The following RBCK1 variants were observed in gnomAD, a reference collection of about 807,000 sequenced individuals.
RBCK1 encodes RANBP2-type and C3HC4-type zinc finger containing 1, also known as ranBP-type and C3HC4-type zinc finger-containing protein 1.
In RBCK1, 44 loss-of-function variants were observed where a neutral mutation model predicts 71.1. The observed-to-expected ratio is 0.62, with a 90% CI of 0.49 to 0.80. The LOEUF is 0.80. Ranked by LOEUF, RBCK1 falls within the 30% of genes least tolerant of loss-of-function variation. RBCK1 has a pLI of 0.00. For synonymous variants in RBCK1, 306 were observed against 279.7 expected (o/e 1.09, Z -0.94); for missense variants, 569 against 685.0 (o/e 0.83, Z 1.89).
chr20:418,399 C>T (rs764508468), intron 4 of RBCK1, among the ~76,000 whole-genome samples: 48 of 151,732 alleles, frequency 3.2e-4, no homozygotes, highest in East Asian at 1.4e-3. Flanking sequence ...GACGGAGTCT[C>T]GCTCTGTCGC....
chr20:428,725 G>C lies in RBCK1; in HGVS notation c.1308+136G>C. ...TCCCTTCTGGCTGTCACTCCCATCCGGAGGTGGGACTTAGGCCGAATGGTC... is the reference window on the plus strand; with the variant it reads ...TCCCTTCTGGCTGTCACTCCCATCCCGAGGTGGGACTTAGGCCGAATGGTC... On this transcript the variant is annotated intron_variant, in intron 10 of 11. Transcript: ENST00000356286. The surrounding 1 kb of genome is among the most constrained non-coding windows in gnomAD (Gnocchi z 5.7). The C allele has an allele frequency of 7.4e-7, 1 of 1,360,150 alleles. No individual in the cohort carries two copies. The highest frequency in any genetic ancestry group is 2.6e-5 in the East Asian group (1 of 39,204). 84.3% of individuals were successfully genotyped at this position (1,360,150 alleles called of 1,614,324 possible).
chr20:426,743 TCAC>T (rs1470515723), intron 8 of RBCK1, among the ~76,000 whole-genome samples: 1 of 150,188 alleles, frequency 6.7e-6, no homozygotes, highest in East Asian at 2.0e-4. Flanking sequence ...TGTGCAACCA[TCAC>T]CACCATCCAC....
Position 417,445 on chromosome 20 carries a change from A to C in RBCK1, c.168-81A>C. 3 of 1,234,680 alleles carry C rather than the reference A, an allele frequency of 2.4e-6. No homozygotes were observed. The highest frequency in any genetic ancestry group is 3.6e-6 in the Non-Finnish European group (3 of 838,370). 76.5% of individuals were successfully genotyped at this position (1,234,680 alleles called of 1,614,324 possible). A position where few individuals can be genotyped will look rare whatever the true frequency, so the allele number is the denominator to read the frequency against. On this transcript the variant is annotated intron_variant, in intron 2 of 11. Coordinates refer to ENST00000356286, the MANE Select transcript of RBCK1 (RefSeq NM_031229.4). This position sits in a 1 kb window ranked among gnomAD's most constrained non-coding sequence, Gnocchi z 4.7. ...TGTGCATGGCCATGTGCCTGTGTGC[A>C]AATATGTACATGTCTGTAGCCGGTG...
chr20:414,134 G>A (rs1305049901), intron 2 of RBCK1, among the ~76,000 whole-genome samples: 1 of 152,044 alleles, frequency 6.6e-6, no homozygotes, highest in African/African-American at 2.4e-5. Context: ...CAATGAGCAG[G>A]TATAAACTCA....
rs1331644635 is a variant in RBCK1, at chr20:410,895, G to A, written c.167+870G>A. 1.2e-4 allele frequency: 28 copies of A among 238,644 alleles called. No individual in the cohort carries two copies. The South Asian group carries it at 1.7e-3, about 15-fold the overall frequency. The allele number at this position is 238,644 out of a possible 1,614,324, so 14.8% of individuals were successfully genotyped here. On this transcript the variant is annotated intron_variant, in intron 2 of 11. Coordinates refer to ENST00000356286, the MANE Select transcript of RBCK1 (RefSeq NM_031229.4). ...ATTTATTTATTTATCCTTACAGTTCGACCATTTAAAGTATACAGTTCAATG... is the reference window on the plus strand; with the variant it reads ...ATTTATTTATTTATCCTTACAGTTCAACCATTTAAAGTATACAGTTCAATG...
At chr20:411,929 A>G (rs2015732153) in intron 2 of RBCK1, among the ~76,000 whole-genome samples, 1 of 152,252 alleles carries the variant, frequency 6.6e-6, no homozygotes. Flanking sequence ...GCTATTATAA[A>G]CAATGCTGCC....
chr20:422,154 CAG>C lies in RBCK1; in HGVS notation c.946_947del (p.Ser316ProfsTer11). ...RECLQGTIRNSQEAEVSCPFI... is the reference protein window; with the variant it reads ...RECLQGTIRNXQEAEVSCPFI... Reference sequence around the variant, plus strand: ...AGTGCCTGCAGGGCACCATCCGCAACAGCCAGGAGGCGGAGGTCTCCTGCCCC... The same window carrying C: ...AGTGCCTGCAGGGCACCATCCGCAACCCAGGAGGCGGAGGTCTCCTGCCCC... On this transcript the variant is annotated frameshift_variant, in exon 8 of 12. Coordinates refer to ENST00000356286, the MANE Select transcript of RBCK1 (RefSeq NM_031229.4). LOFTEE classifies it high-confidence loss of function. The surrounding 1 kb of genome is among the most constrained non-coding windows in gnomAD (Gnocchi z 5.0). 6.2e-7 allele frequency: 1 copy of C among 1,612,764 alleles called. No homozygotes were observed. Among genetic ancestry groups the C allele is most frequent in the Non-Finnish European group, 8.5e-7 (1 of 1,179,854 alleles).
Position 411,041 on chromosome 20 carries a change from TAACTCCCCA to T in RBCK1, c.167+1018_167+1026del, listed in dbSNP as rs913648047. Among the ~76,000 whole-genome samples the T allele has an allele frequency of 4.7e-4, 71 of 152,340 alleles. 1 individual carries two copies. Among genetic ancestry groups the T allele is most frequent in the Non-Finnish European group, 3.7e-4 (25 of 68,030 alleles). On this transcript the variant is annotated intron_variant, in intron 2 of 11. Transcript: ENST00000356286. ...AGTCCTCATCTCTCTACCTTTTCCC[TAACTCCCCA>T]ACCTTAGGCAACCACTAATCTACTT...
intron 11 of RBCK1, 132 bp downstream of exon 11, chr20:429,226 A>ATTTT: frequency 1.0e-5 from 10 of 1,002,876 alleles, no homozygotes; most frequent in South Asian, 4.8e-5. Flanking sequence ...CGAGGTAAGA[A>ATTTT]TTTTTTTTTT....
In RBCK1 at chr20:430,336, C is replaced by T; in HGVS notation, c.1453-14C>T. 2.5e-6 allele frequency: 4 copies of T among 1,594,116 alleles called. No individual in the cohort carries two copies. In the Admixed American group the frequency reaches 6.7e-5, roughly 27 times the overall value. Reference sequence around the variant, plus strand: ...ACTGCGCTGACATTCTCTTCTCTTCCTCCCATCCTCTAGGGCCCAGGAGAC... The same window carrying T: ...ACTGCGCTGACATTCTCTTCTCTTCTTCCCATCCTCTAGGGCCCAGGAGAC... On this transcript the variant is annotated splice_polypyrimidine_tract_variant and intron_variant, in intron 11 of 11. Transcript: ENST00000356286. This position sits in a 1 kb window ranked among gnomAD's most constrained non-coding sequence, Gnocchi z 5.6.
At position 430,531 on chromosome 20, in the gene RBCK1, T is replaced by C. The variant is rs2122350599; in HGVS notation, c.*101T>C. 3.3e-6 allele frequency: 4 copies of C among 1,205,598 alleles called. No homozygotes were observed. The highest frequency in any genetic ancestry group is 4.8e-6 in the Non-Finnish European group (4 of 829,270). 74.7% of individuals were successfully genotyped at this position (1,205,598 alleles called of 1,614,324 possible). On this transcript the variant is annotated 3_prime_UTR_variant, in exon 12 of 12. Transcript: ENST00000356286. This position sits in a 1 kb window ranked among gnomAD's most constrained non-coding sequence, Gnocchi z 5.6. ...TGGACGGCCTTGCTTGCTGTAGCGT[T>C]GTAGGGGCCCTGCCTGCACTGCGGT... is the stretch of plus-strand genomic sequence containing the variant.
intron 11 of RBCK1, 49 bp downstream of exon 11, chr20:429,143 G>T: frequency 6.4e-7 from 1 of 1,562,234 alleles, no homozygotes. Flanking sequence ...TGTGGGCTTT[G>T]CCTTAGAGGA....
intron 2 of RBCK1, among the ~76,000 whole-genome samples, chr20:412,385 A>G (rs1289334015): frequency 4.0e-5 from 6 of 151,752 alleles, no homozygotes; most frequent in African/African-American, 1.2e-4. Context: ...CAATGGTGCA[A>G]TCTCGGCTCA....
At chr20:418,567 A>C (rs973058761) in intron 4 of RBCK1, among the ~76,000 whole-genome samples, 1 of 151,996 alleles carries the variant, frequency 6.6e-6, no homozygotes, top group South Asian at 2.1e-4. Flanking sequence ...ACGGGGTTTC[A>C]CCGTGTTAGC....
chr20:418,580 G>A lies in RBCK1; in HGVS notation c.460+650G>A, dbSNP rs991616384. Among the ~76,000 whole-genome samples the A allele has an allele frequency of 2.6e-5, 4 of 152,218 alleles. No homozygotes were observed. The East Asian group carries it at 5.8e-4, about 22-fold the overall frequency. On this transcript the variant is annotated intron_variant, in intron 4 of 11. Transcript: ENST00000356286. ...AGACGGGGTTTCACCGTGTTAGCCA[G>A]GATGGTCTCGATCTCCTGACTTTGT... is the stretch of plus-strand genomic sequence containing the variant.
intron 4 of RBCK1, among the ~76,000 whole-genome samples, chr20:418,443 A>G (rs111379652): frequency 6.6e-6 from 1 of 151,728 alleles, no homozygotes; most frequent in East Asian, 1.9e-4. Context: ...ATCTCGGCTC[A>G]CTGCAAGCTC....
At chr20:415,059 A>G (rs2122207785) in intron 2 of RBCK1, among the ~76,000 whole-genome samples, 1 of 152,306 alleles carries the variant, frequency 6.6e-6, no homozygotes, top group Middle Eastern at 3.4e-3. Flanking sequence ...TTATCCTTAA[A>G]TACTTTAGTA....
chr20:410,875 T>C (rs1246854908), intron 2 of RBCK1: 1 of 281,570 alleles, frequency 3.6e-6, no homozygotes, highest in South Asian at 5.8e-5. Context: ...GTTTTATTTA[T>C]TTATTTATCC....
At chr20:427,644 G>A (rs2016804551) in intron 9 of RBCK1, 152 bp downstream of exon 9, 1 of 870,468 alleles carries the variant, frequency 1.1e-6, no homozygotes, top group African/African-American at 1.7e-5. Flanking sequence ...TGTGGCTTGA[G>A]CCTGAACTGA....
Sources: allele counts gnomAD v4.1 joint callset (sites outside exome capture counted in the v4.1 genomes callset), GRCh38; gene constraint gnomAD v4.1.1; non-coding constraint Gnocchi (gnomAD v3.1); transcripts MANE v1.5; gene names NCBI Gene and HGNC (gene_info 2026-07-23, HGNC 2026-07-21).